Variants in SEMA3A observed in about 807,000 individuals in gnomAD.
SEMA3A encodes semaphorin 3A, also known as semaphorin-3A.
In SEMA3A, 29 loss-of-function variants were observed where a neutral mutation model predicts 97.9. The observed-to-expected ratio is 0.30, with a 90% CI of 0.22 to 0.40. The LOEUF (loss-of-function observed/expected upper bound fraction) is 0.40, where lower values mean the gene tolerates loss of function less well. Among genes scored for constraint, SEMA3A ranks in the 10% least tolerant of loss-of-function variants. The probability of loss-of-function intolerance (pLI) is 1.00; values close to 1 mark genes in which losing one functional copy is unlikely to be tolerated. For synonymous variants in SEMA3A, 321 were observed against 323.7 expected, an observed-to-expected ratio of 0.99 and a Z score of 0.09; for missense variants, 763 against 951.3, an observed-to-expected ratio of 0.80 and a Z score of 2.60.
intron 4 of SEMA3A, among the ~76,000 whole-genome samples, chr7:84,067,175 G>T (rs987226443): frequency 2.0e-5 from 3 of 152,160 alleles, no homozygotes; most frequent in Non-Finnish European, 4.4e-5. Flanking sequence ...ATCGGGAAAG[G>T]ATTCCTTATT....
At chr7:84,098,937 A>ATT (rs75486049) in intron 4 of SEMA3A, among the ~76,000 whole-genome samples, 1 of 151,670 alleles carries the variant, frequency 6.6e-6, no homozygotes, top group African/African-American at 2.4e-5. Context: ...ATTTTGATAA[A>ATT]GCTATCAACC....
chr7:84,055,058 C>T (rs549683866), intron 5 of SEMA3A, among the ~76,000 whole-genome samples: 56 of 151,998 alleles, frequency 3.7e-4, no homozygotes, highest in African/African-American at 1.0e-3. Context: ...GCAGTCTGCC[C>T]GTTCTCAGAT....
rs552580779 is a variant in SEMA3A at position 84,232,114 on chromosome 7, G to C, written c.-82-37446C>G. Among the ~76,000 whole-genome samples the C allele has an allele frequency of 1.6e-3, 246 of 151,334 alleles. 1 individual carries two copies. The highest frequency in any genetic ancestry group is 5.9e-3 in the African/African-American group (242 of 41,330). On this transcript the variant is annotated intron_variant, in intron 3 of 3. Coordinates refer to the SEMA3A transcript ENST00000424555. ...CCCAAGATGTATCAATGTTTAAATA[G>C]TAATTCAAAGAAAGCCAGTACAGCC...
chr7:84,129,272 C>G, intron 2 of SEMA3A, 87 bp from the exon 3 acceptor site: 1 of 1,071,994 alleles, frequency 9.3e-7, no homozygotes, highest in Middle Eastern at 2.0e-4. Context: ...GACATTGGGG[C>G]AACTGAAGTA....
At chr7:84,048,693 T>A (rs1390969645) in intron 5 of SEMA3A, among the ~76,000 whole-genome samples, 2 of 151,912 alleles carry the variant, frequency 1.3e-5, no homozygotes, top group Admixed American at 6.6e-5. Flanking sequence ...TAGAATAATT[T>A]AAAAAATGAA....
intron 16 of SEMA3A, among the ~76,000 whole-genome samples, chr7:83,962,472 A>G (rs1436321935): frequency 9.2e-5 from 14 of 152,298 alleles, no homozygotes; most frequent in Admixed American, 8.5e-4. Context: ...TAGTTTTAAG[A>G]CTGATTAAAA....
chr7:84,313,360 A>ATGTGTGTG (rs1433641962), intron 2 of SEMA3A, among the ~76,000 whole-genome samples: 2 of 8,734 alleles, frequency 2.3e-4, no homozygotes, highest in Admixed American at 1.3e-3. Context: ...GTGTGTGTAT[A>ATGTGTGTG]TATATATATA....
chr7:84,358,887 C>A (rs1802640207), intron 2 of SEMA3A, among the ~76,000 whole-genome samples: 1 of 152,040 alleles, frequency 6.6e-6, no homozygotes, highest in Non-Finnish European at 1.5e-5. Flanking sequence ...GTATTGTATT[C>A]TCTTTGAAGC....
intron 3 of SEMA3A, among the ~76,000 whole-genome samples, chr7:84,269,736 C>T (rs1441039264): frequency 6.6e-6 from 1 of 152,100 alleles, no homozygotes; most frequent in Non-Finnish European, 1.5e-5. Flanking sequence ...CTTAGAGCTT[C>T]ATTTTCTAAA....
At chr7:84,176,505 C>G (rs777915890) in intron 1 of SEMA3A, among the ~76,000 whole-genome samples, 8 of 152,114 alleles carry the variant, frequency 5.3e-5, no homozygotes, top group Non-Finnish European at 1.2e-4. Context: ...TGGTATGGAA[C>G]ATCACTAGGG....
intron 2 of SEMA3A, among the ~76,000 whole-genome samples, chr7:84,312,048 C>T (rs189263459): frequency 1.2e-3 from 189 of 151,932 alleles, no homozygotes; most frequent in Non-Finnish European, 1.6e-3. Context: ...TGTATCATCT[C>T]GTCTTATACT....
chr7:84,339,497 G>A (rs1268672933), intron 2 of SEMA3A, among the ~76,000 whole-genome samples: 1 of 152,180 alleles, frequency 6.6e-6, no homozygotes, highest in Non-Finnish European at 1.5e-5. Context: ...GAACGTGAGG[G>A]TTTGGCACTC....
intron 1 of SEMA3A, among the ~76,000 whole-genome samples, chr7:84,136,666 C>T (rs1417140795): frequency 6.6e-6 from 1 of 152,108 alleles, no homozygotes; most frequent in African/African-American, 2.4e-5. Context: ...ATCTTATCTA[C>T]CAGAATGAAC....
intron 1 of SEMA3A, among the ~76,000 whole-genome samples, chr7:84,193,323 G>A (rs2116274667): frequency 6.6e-6 from 1 of 151,986 alleles, no homozygotes; most frequent in East Asian, 1.9e-4. Flanking sequence ...CATCATATGA[G>A]AATTAAAGAA....
chr7:84,108,364 A>C (rs534515641), intron 4 of SEMA3A, among the ~76,000 whole-genome samples: 10 of 152,278 alleles, frequency 6.6e-5, no homozygotes, highest in African/African-American at 2.4e-4. Context: ...AAAAAGAAAA[A>C]AGGCAATGGG....
At chr7:84,283,056 A>C (rs1046871343) in intron 3 of SEMA3A, among the ~76,000 whole-genome samples, 1 of 152,114 alleles carries the variant, frequency 6.6e-6, no homozygotes, top group Non-Finnish European at 1.5e-5. Flanking sequence ...AAATTATGTA[A>C]ATTTTATTTA....
chr7:84,154,679 GAAAAAAAAAAACA>G (rs1220714912), intron 1 of SEMA3A, among the ~76,000 whole-genome samples: 10 of 112,204 alleles, frequency 8.9e-5, no homozygotes, highest in South Asian at 8.2e-4. Flanking sequence ...TAGTCTCAGG[GAAAAAAAAAAACA>G]AAAAAAAAAA....
At chr7:84,311,778 A>G (rs1374292576) in intron 2 of SEMA3A, among the ~76,000 whole-genome samples, 1 of 152,002 alleles carries the variant, frequency 6.6e-6, no homozygotes, top group African/African-American at 2.4e-5. Flanking sequence ...CAGTTGTGCA[A>G]TTGAAACCTT....
At chr7:84,351,063 G>A (rs1300478504) in intron 2 of SEMA3A, among the ~76,000 whole-genome samples, 1 of 132,586 alleles carries the variant, frequency 7.5e-6, no homozygotes, top group Non-Finnish European at 1.6e-5. Context: ...ATGTACACAT[G>A]CATACACACA....
Sources: allele counts gnomAD v4.1 joint callset (sites outside exome capture counted in the v4.1 genomes callset), GRCh38; gene constraint gnomAD v4.1.1; transcripts MANE v1.5; gene names NCBI Gene and HGNC (gene_info 2026-07-23, HGNC 2026-07-21).